CDK14: variants seen among roughly 807,000 people sequenced by gnomAD.
CDK14 encodes cyclin dependent kinase 14.
CDK14 carries 34 observed loss-of-function variants against 60.7 expected under a neutral mutation model. The ratio of observed to expected loss-of-function variants is 0.56; its 90% CI spans 0.43 to 0.75. The LOEUF is 0.75. Among genes scored for constraint, CDK14 ranks in the 30% least tolerant of loss-of-function variants. CDK14 has a pLI of 0.00. For missense variants in CDK14, 482 were observed against 564.1 expected, an observed-to-expected ratio of 0.85 and a Z score of 1.47; for synonymous variants, 197 against 203.7, an observed-to-expected ratio of 0.97 and a Z score of 0.28.
intron 14 of CDK14, among the ~76,000 whole-genome samples, chr7:91,200,334 T>G (rs1802675981): frequency 6.6e-6 from 1 of 152,202 alleles, no homozygotes; most frequent in South Asian, 2.1e-4. Context: ...TTTGCCTAGG[T>G]GCTTAGGGTT....
intron 10 of CDK14, among the ~76,000 whole-genome samples, chr7:91,010,635 T>G (rs1251439918): frequency 6.6e-6 from 1 of 152,062 alleles, no homozygotes; most frequent in Non-Finnish European, 1.5e-5. Context: ...CTAGTTGTTT[T>G]TTTGGTAGAT....
At chr7:90,769,943 G>A (rs543133998) in intron 4 of CDK14, among the ~76,000 whole-genome samples, 105 of 152,318 alleles carry the variant, frequency 6.9e-4, no homozygotes, top group African/African-American at 2.5e-3. Context: ...CCAAGGAAAA[G>A]CCATATAAAC....
chr7:90,698,953 A>G (rs1254120279), intron 2 of CDK14, among the ~76,000 whole-genome samples: 1 of 152,208 alleles, frequency 6.6e-6, no homozygotes, highest in African/African-American at 2.4e-5. Flanking sequence ...CCACAGAGAG[A>G]GAAGAGACTG....
chr7:90,792,603 G>C (rs1443894663), intron 5 of CDK14, among the ~76,000 whole-genome samples: 2 of 152,044 alleles, frequency 1.3e-5, no homozygotes, highest in Non-Finnish European at 2.9e-5. Flanking sequence ...AAGCCCTGTT[G>C]ATTACCTCTC....
At chr7:90,921,328 A>G (rs1026969250) in intron 8 of CDK14, among the ~76,000 whole-genome samples, 10 of 152,006 alleles carry the variant, frequency 6.6e-5, no homozygotes, top group Admixed American at 2.0e-4. Context: ...TTCTTACCAT[A>G]GAAGTTATAG....
intron 2 of CDK14, among the ~76,000 whole-genome samples, chr7:90,657,938 C>T (rs1019205380): frequency 8.5e-5 from 13 of 152,168 alleles, no homozygotes; most frequent in African/African-American, 3.1e-4. Flanking sequence ...ATCTTTGCTC[C>T]TTCTGTTTTG....
intron 3 of CDK14, among the ~76,000 whole-genome samples, chr7:90,741,000 G>A (rs558099827): frequency 2.0e-5 from 3 of 152,230 alleles, no homozygotes; most frequent in African/African-American, 7.2e-5. Flanking sequence ...CTCTGATTTT[G>A]TGAGGGCAAG....
intron 5 of CDK14, among the ~76,000 whole-genome samples, chr7:90,842,295 C>T (rs916206470): frequency 3.9e-5 from 6 of 152,226 alleles, no homozygotes; most frequent in East Asian, 1.9e-4. Flanking sequence ...TCCTGTCAAA[C>T]GATCCCCACA....
At chr7:91,089,943 A>C (rs923517989) in intron 12 of CDK14, among the ~76,000 whole-genome samples, 16 of 152,228 alleles carry the variant, frequency 1.1e-4, no homozygotes, top group Admixed American at 6.5e-4. Flanking sequence ...CTATAGTTCT[A>C]ATTTTATTTG....
chr7:90,795,369 C>T (rs377665103), intron 5 of CDK14, among the ~76,000 whole-genome samples: 18 of 151,314 alleles, frequency 1.2e-4, no homozygotes, highest in East Asian at 3.9e-4. Context: ...CAGTGTGTTC[C>T]GGTATAGTTG....
chr7:90,759,547 A>G (rs935690947), intron 4 of CDK14, among the ~76,000 whole-genome samples: 2 of 152,160 alleles, frequency 1.3e-5, no homozygotes, highest in Non-Finnish European at 2.9e-5. Context: ...TACCTCTCAC[A>G]ACCTCAAGAC....
chr7:90,638,790 T>G (rs902226817), intron 2 of CDK14, among the ~76,000 whole-genome samples: 17 of 152,122 alleles, frequency 1.1e-4, no homozygotes, highest in African/African-American at 3.9e-4. Flanking sequence ...GATTTGGTCT[T>G]TTCACATAAT....
intron 5 of CDK14, among the ~76,000 whole-genome samples, chr7:90,810,994 C>A (rs923792405): frequency 1.2e-4 from 19 of 152,252 alleles, no homozygotes; most frequent in East Asian, 5.8e-4. Flanking sequence ...AGAATATTCC[C>A]TGCTCATGGA....
chr7:90,823,863 A>G (rs1020604199), intron 5 of CDK14, among the ~76,000 whole-genome samples: 1 of 152,122 alleles, frequency 6.6e-6, no homozygotes, highest in Non-Finnish European at 1.5e-5. Flanking sequence ...TGTTATTTTG[A>G]ATGCACTGTA....
At chr7:90,987,273 T>G (rs1404839410) in intron 10 of CDK14, among the ~76,000 whole-genome samples, 1 of 152,012 alleles carries the variant, frequency 6.6e-6, no homozygotes, top group Non-Finnish European at 1.5e-5. Flanking sequence ...GTCAGATAAA[T>G]AAATCATTTT....
chr7:90,696,795 G>T (rs894195269), intron 2 of CDK14, among the ~76,000 whole-genome samples: 1 of 152,156 alleles, frequency 6.6e-6, no homozygotes, highest in Admixed American at 6.5e-5. Context: ...CCCATCCTGG[G>T]ACACATGTCT....
At chr7:90,674,374 C>T (rs1318810563) in intron 2 of CDK14, among the ~76,000 whole-genome samples, 1 of 152,040 alleles carries the variant, frequency 6.6e-6, no homozygotes, top group African/African-American at 2.4e-5. Flanking sequence ...GTTTCAGCTT[C>T]AGTAAATCTT....
intron 3 of CDK14, among the ~76,000 whole-genome samples, chr7:90,745,616 A>G (rs1584850468): frequency 1.3e-5 from 2 of 152,112 alleles, no homozygotes; most frequent in African/African-American, 2.4e-5. Context: ...GGGTTTCACC[A>G]TGTTGGCCAG....
chr7:91,104,195 G>A (rs944542001), intron 12 of CDK14, among the ~76,000 whole-genome samples: 1 of 151,934 alleles, frequency 6.6e-6, no homozygotes, highest in African/African-American at 2.4e-5. Context: ...GAACATAGAG[G>A]CTCATTGAGT....
Sources: allele counts gnomAD v4.1 joint callset (sites outside exome capture counted in the v4.1 genomes callset), GRCh38; gene constraint gnomAD v4.1.1; transcripts MANE v1.5; gene names NCBI Gene and HGNC (gene_info 2026-07-23, HGNC 2026-07-21).